Variants in SLC6A17 observed in about 807,000 individuals in gnomAD.
SLC6A17 encodes the protein solute carrier family 6 member 17.
Under a neutral mutation model 64.5 loss-of-function variants are expected in SLC6A17, and 21 were observed. The observed-to-expected ratio is 0.33, with a 90% confidence interval of 0.23 to 0.47. The LOEUF (loss-of-function observed/expected upper bound fraction) is 0.47. Ranked by LOEUF, SLC6A17 falls within the 20% of genes least tolerant of loss-of-function variation. The pLI is 1.00. For synonymous variants in SLC6A17, 372 were observed against 399.5 expected (o/e 0.93, Z 0.82); for missense variants, 682 against 963.2 (o/e 0.71, Z 3.86).
intron 5 of SLC6A17, among the ~76,000 whole-genome samples, chr1:110,175,510 C>A (rs141899784): frequency 6.6e-6 from 1 of 152,318 alleles, no homozygotes; most frequent in Non-Finnish European, 1.5e-5. Flanking sequence ...AATAAGGGCC[C>A]TTTCTTACTT....
At chr1:110,175,014 A>G in intron 5 of SLC6A17, 54 bp downstream of exon 5, 2 of 1,573,554 alleles carry the variant, frequency 1.3e-6, no homozygotes, top group South Asian at 1.2e-5. Flanking sequence ...AGAAAGGCAC[A>G]GAGGGCACAG....
chr1:110,180,783 T>C (rs1656501221), intron 6 of SLC6A17, among the ~76,000 whole-genome samples: 1 of 152,074 alleles, frequency 6.6e-6, no homozygotes, highest in South Asian at 2.1e-4. Flanking sequence ...TAGACTATAA[T>C]ATAAATGACA....
At position 110,191,995 on chromosome 1, in the gene SLC6A17, G is replaced by C; in HGVS notation, c.888G>C (p.Gln296His). 6.2e-7 allele frequency: 1 copy of C among 1,613,630 alleles called. No individual in the cohort carries two copies. The highest frequency in any genetic ancestry group is 8.5e-7 in the Non-Finnish European group (1 of 1,179,542). ...TPKLDKMLDPQVWREAATQVF... is the reference protein window; with the variant it reads ...TPKLDKMLDPHVWREAATQVF... ...AGCTGGACAAGATGCTGGACCCCCA[G>C]GTGTGGCGGGAGGCAGCTACCCAGG... is the stretch of plus-strand genomic sequence containing the variant. The change falls in exon 7 of 12, where the codon CAG becomes CAC. Residue 296 changes from glutamine to histidine, a missense_variant. By Grantham distance (24) the Gln-to-His change is conservative. Transcript: ENST00000331565.
chr1:110,181,912 G>T (rs1339531541), intron 6 of SLC6A17, among the ~76,000 whole-genome samples: 1 of 152,194 alleles, frequency 6.6e-6, no homozygotes, highest in African/African-American at 2.4e-5. Flanking sequence ...GGATCATGAG[G>T]GTCCTGTGGT....
In SLC6A17 at chr1:110,198,665, C is replaced by A. The variant is rs1308388722; in HGVS notation, c.*221C>A. 3.1e-5 allele frequency: 22 copies of A among 707,848 alleles called. 1 individual carries two copies. Among genetic ancestry groups the A allele is most frequent in the Non-Finnish European group, 4.8e-5 (22 of 459,688 alleles). The allele number at this position is 707,848 out of a possible 1,614,324, so 43.8% of individuals were successfully genotyped here. ...CTCTGTTTCCTAATTCAGGACCCCA[C>A]TCATCTAGCCCTCCAAGAGCCTCCG... On this transcript the variant is annotated 3_prime_UTR_variant, in exon 12 of 12. Coordinates refer to ENST00000331565, the MANE Select transcript of SLC6A17 (RefSeq NM_001010898.4).
chr1:110,167,359 A>G lies in SLC6A17; in HGVS notation c.286+144A>G, dbSNP rs183886276. On this transcript the variant is annotated intron_variant, in intron 2 of 11. Coordinates refer to ENST00000331565, the MANE Select transcript of SLC6A17 (RefSeq NM_001010898.4). ...TTCCAGAGTAAGACAGCCCAGGAAT[A>G]GCTATAATGATGGTTAGTAGCTACC... The G allele has an allele frequency of 2.3e-3, 2,457 of 1,059,104 alleles. 7 individuals carry two copies. The highest frequency in any genetic ancestry group is 6.0e-3 in the Middle Eastern group (19 of 3,178). 65.6% of individuals were successfully genotyped at this position (1,059,104 alleles called of 1,614,324 possible). A position where few individuals can be genotyped will look rare whatever the true frequency, so the allele number is the denominator to read the frequency against.
At chr1:110,162,211 A>G (rs960755107) in intron 1 of SLC6A17, among the ~76,000 whole-genome samples, 3 of 152,222 alleles carry the variant, frequency 2.0e-5, no homozygotes, top group Non-Finnish European at 4.4e-5. Flanking sequence ...TAATTAGAAT[A>G]CGGCTGGGCT....
In SLC6A17 at chr1:110,172,895, A is replaced by G. The variant is rs143420028; in HGVS notation, c.444+678A>G. 4.4e-3 allele frequency among the ~76,000 whole-genome samples: 667 copies of G among 152,368 alleles called. 8 individuals are homozygous for G. Among genetic ancestry groups the G allele is most frequent in the African/African-American group, 0.015 (620 of 41,582 alleles). On this transcript the variant is annotated intron_variant, in intron 3 of 11. Coordinates refer to ENST00000331565, the MANE Select transcript of SLC6A17 (RefSeq NM_001010898.4). ...TCCCTTAAGGGCAAAGCCTACAGGGAACCATGCTCACTGCTCACACCTGGG... is the reference window on the plus strand; with the variant it reads ...TCCCTTAAGGGCAAAGCCTACAGGGGACCATGCTCACTGCTCACACCTGGG...
At position 110,197,524 on chromosome 1, in the gene SLC6A17, G is replaced by A. The variant is rs201903834; in HGVS notation, c.1740G>A (p.Met580Ile). ...YMWKFVSPLC[M>I]AVLTTASIIQ... ...GGAAGTTCGTGTCTCCACTATGCAT[G>A]GCTGTGCTCACCACAGCCAGCATCA... The change falls in exon 11 of 12, where the codon ATG becomes ATA. Residue 580 changes from methionine (M) to isoleucine (I), a missense_variant. Around this residue, in one of 3 missense-constraint regions of SLC6A17, gnomAD observed 264 missense variants for 339.5 expected, o/e 0.78. Transcript: ENST00000331565. 6 of 1,613,652 alleles carry A rather than the reference G, an allele frequency of 3.7e-6. No individual in the cohort carries two copies. Among genetic ancestry groups the A allele is most frequent in the Non-Finnish European group, 5.1e-6 (6 of 1,179,958 alleles).
At chr1:110,179,450 G>C (rs1012014970) in intron 6 of SLC6A17, among the ~76,000 whole-genome samples, 4 of 151,744 alleles carry the variant, frequency 2.6e-5, no homozygotes, top group African/African-American at 9.7e-5. Context: ...TGCCAATTAG[G>C]TGGATGCAAA....
In SLC6A17 at chr1:110,153,519, A is replaced by ATGTATG. The variant is rs368381453; in HGVS notation, c.-88+2639_-88+2640insATGTGT. Among the ~76,000 whole-genome samples, 6 of 137,350 alleles carry ATGTATG rather than the reference A, an allele frequency of 4.4e-5. No homozygotes were observed. In the East Asian group the frequency reaches 1.2e-3, roughly 29 times the overall value. The allele number at this position is 137,350 out of a possible 152,430, so 90.1% of individuals were successfully genotyped here. ...AGGGGACTCCAATCTGCTACTGGAA[A>ATGTATG]TGTGTGTGTGTGTGTGTGTGTGTGT... On this transcript the variant is annotated intron_variant, in intron 1 of 11. Transcript: ENST00000331565.
chr1:110,174,242 TC>T, intron 4 of SLC6A17, 143 bp downstream of exon 4: 1 of 1,212,940 alleles, frequency 8.2e-7, no homozygotes, highest in Non-Finnish European at 1.1e-6. Flanking sequence ...CATTTCCCCT[TC>T]CCCAGTGGGA....
intron 1 of SLC6A17, among the ~76,000 whole-genome samples, chr1:110,165,197 G>T (rs6674566): frequency 0.028 from 4,296 of 152,262 alleles, 206 homozygotes; most frequent in African/African-American, 0.097. Context: ...AAGGACACAG[G>T]CCTCTCCGTT....
intron 1 of SLC6A17, among the ~76,000 whole-genome samples, chr1:110,159,328 C>T (rs535136906): frequency 1.8e-4 from 27 of 152,280 alleles, no homozygotes; most frequent in African/African-American, 6.5e-4. Context: ...TGCGTTCTCC[C>T]ACGTGAGATG....
Position 110,167,198 on chromosome 1 carries a change from G to A in SLC6A17, c.269G>A (p.Cys90Tyr). 1 of 1,611,994 alleles carries A rather than the reference G, an allele frequency of 6.2e-7. No homozygotes were observed. Among genetic ancestry groups the A allele is most frequent in the Non-Finnish European group, 8.5e-7 (1 of 1,178,632 alleles). ...AACATCTGGAGGTTCCCCTACCTGTGCCAGAAAAATGGAGGAGGTAAGAGA... is the reference window on the plus strand; with the variant it reads ...AACATCTGGAGGTTCCCCTACCTGTACCAGAAAAATGGAGGAGGTAAGAGA... ...LGNIWRFPYL[C>Y]QKNGGGAYLV... Residue 90 changes from cysteine (C) to tyrosine (Y), a missense_variant, in exon 2 of 12, where the codon TGC (cysteine) becomes TAC (tyrosine). Cys to Tyr is a radical substitution (Grantham distance 194). This residue lies in a region of SLC6A17 where 415 missense variants were observed against 603.8 expected (regional missense o/e 0.69). Coordinates refer to ENST00000331565, the MANE Select transcript of SLC6A17 (RefSeq NM_001010898.4).
intron 6 of SLC6A17, among the ~76,000 whole-genome samples, chr1:110,190,752 C>T (rs1656804061): frequency 6.6e-6 from 1 of 152,046 alleles, no homozygotes; most frequent in African/African-American, 2.4e-5. Flanking sequence ...CACTTAGGTT[C>T]ACCTCAGCAG....
At position 110,162,586 on chromosome 1, in the gene SLC6A17, G is replaced by A. The variant is rs181330286; in HGVS notation, c.-87-4257G>A. Reference sequence around the variant, plus strand: ...GAAGAGAGGAATCGCCCCTCTCAGGGTCCTTCTCTGATCCTGATGCTTCTC... The same window carrying A: ...GAAGAGAGGAATCGCCCCTCTCAGGATCCTTCTCTGATCCTGATGCTTCTC... On this transcript the variant is annotated intron_variant, in intron 1 of 11. Coordinates refer to ENST00000331565, the MANE Select transcript of SLC6A17 (RefSeq NM_001010898.4). 9.2e-5 allele frequency among the ~76,000 whole-genome samples: 14 copies of A among 152,286 alleles called. No homozygotes were observed. In the East Asian group the frequency reaches 1.5e-3, roughly 17 times the overall value.
intron 6 of SLC6A17, among the ~76,000 whole-genome samples, chr1:110,187,339 G>A (rs1206495607): frequency 2.6e-5 from 4 of 152,194 alleles, no homozygotes; most frequent in African/African-American, 7.2e-5. Context: ...AGTGACTTAC[G>A]GAAGATGGAA....
chr1:110,164,321 A>G (rs1421469664), intron 1 of SLC6A17, among the ~76,000 whole-genome samples: 1 of 152,192 alleles, frequency 6.6e-6, no homozygotes, highest in African/African-American at 2.4e-5. Context: ...TCTGTCCCAG[A>G]CAAGGCTCTG....
Sources: gnomAD v4.1 joint callset for allele counts (sites outside exome capture counted in the v4.1 genomes callset) on GRCh38, gnomAD v4.1.1 for gene constraint, gnomAD v4.1.1 regional missense constraint, MANE v1.5 for transcripts, NCBI Gene and HGNC (gene_info 2026-07-23, HGNC 2026-07-21) for gene names.